The following TENM3 variants were observed in gnomAD, a reference collection of about 807,000 sequenced individuals.
TENM3 encodes the protein teneurin transmembrane protein 3, also known as teneurin-3.
A neutral mutation model predicts 255.1 loss-of-function variants in TENM3; 63 were observed. The observed-to-expected ratio is 0.25, with a 90% CI of 0.20 to 0.30. TENM3 has a LOEUF of 0.30. Among genes scored for constraint, TENM3 ranks in the 10% least tolerant of loss-of-function variants. The pLI is 1.00. For synonymous variants in TENM3, 1,306 were observed against 1,322.3 expected, an observed-to-expected ratio of 0.99 and a Z score of 0.27; for missense variants, 2,929 against 3,461.1, an observed-to-expected ratio of 0.85 and a Z score of 3.86.
chr4:182,673,521 CAA>C (rs778775634), intron 7 of TENM3, among the ~76,000 whole-genome samples: 3 of 152,148 alleles, frequency 2.0e-5, no homozygotes, highest in Non-Finnish European at 2.9e-5. Flanking sequence ...AAGTGTTTTA[CAA>C]AGATTCTATG....
intron 12 of TENM3, among the ~76,000 whole-genome samples, chr4:182,695,598 C>T (rs763770735): frequency 6.6e-6 from 1 of 152,090 alleles, no homozygotes; most frequent in Non-Finnish European, 1.5e-5. Context: ...CTTCCTACCT[C>T]CCACTGACTC....
rs749043968 is a variant in TENM3 at position 182,799,570 on chromosome 4, C to A, written c.7345-26C>A. 3 of 1,530,186 alleles carry A rather than the reference C, an allele frequency of 2.0e-6. No individual in the cohort carries two copies. Among genetic ancestry groups the A allele is most frequent in the Non-Finnish European group, 2.6e-6 (3 of 1,144,934 alleles). 94.8% of individuals were successfully genotyped at this position (1,530,186 alleles called of 1,614,324 possible). On this transcript the variant is annotated intron_variant, in intron 27 of 27. Coordinates refer to ENST00000511685, the MANE Select transcript of TENM3 (RefSeq NM_001080477.4). The surrounding 1 kb of genome is among the most constrained non-coding windows in gnomAD (Gnocchi z 4.2). ...GGGAGGCTCCCGGCCGCCTCTGACG[C>A]GCCCCCTCTTTTGTTTCGCCCGCAG...
the TENM3 span, among the ~76,000 whole-genome samples, chr4:181,549,572 T>A: frequency 2.5e-3 from 383 of 152,354 alleles, 3 homozygotes; most frequent in African/African-American, 8.7e-3. Context: ...TGTGAGCATG[T>A]GTATTTTCTT....
At chr4:182,725,796 C>T (rs1043182249) in intron 13 of TENM3, among the ~76,000 whole-genome samples, 3 of 151,902 alleles carry the variant, frequency 2.0e-5, no homozygotes, top group Middle Eastern at 3.4e-3. Context: ...CCACCACGCC[C>T]CTCTAATTTT....
intron 3 of TENM3, among the ~76,000 whole-genome samples, chr4:182,594,843 C>T (rs1368695857): frequency 1.3e-5 from 2 of 151,932 alleles, no homozygotes; most frequent in African/African-American, 2.4e-5. Context: ...CCTCAGCCTC[C>T]CAAGTAGCTA....
intron 1 of TENM3, among the ~76,000 whole-genome samples, chr4:182,188,303 T>C (rs2149775798): frequency 6.6e-6 from 1 of 152,248 alleles, no homozygotes; most frequent in African/African-American, 2.4e-5. Flanking sequence ...TCAGTTTCCA[T>C]ATCTGTAGAT....
At chr4:181,555,969 C>A in the TENM3 span, among the ~76,000 whole-genome samples, 1 of 152,254 alleles carries the variant, frequency 6.6e-6, no homozygotes, top group Non-Finnish European at 1.5e-5. Flanking sequence ...GTCTGCCATG[C>A]CTTTATAAGC....
the TENM3 span, among the ~76,000 whole-genome samples, chr4:181,908,316 G>T: frequency 2.6e-5 from 4 of 152,150 alleles, no homozygotes; most frequent in Non-Finnish European, 4.4e-5. Flanking sequence ...TCCTCAGTCT[G>T]GCAGCTGAAG....
the TENM3 span, among the ~76,000 whole-genome samples, chr4:181,626,238 G>A: frequency 2.0e-5 from 3 of 152,266 alleles, no homozygotes; most frequent in African/African-American, 7.2e-5. Flanking sequence ...TGCAGGAACA[G>A]CACAGCATGA....
chr4:182,466,448 G>A (rs2151425073), intron 3 of TENM3, among the ~76,000 whole-genome samples: 1 of 152,186 alleles, frequency 6.6e-6, no homozygotes, highest in South Asian at 2.1e-4. Context: ...TCCCACCTCA[G>A]CCTCCCAGGT....
intron 1 of TENM3, among the ~76,000 whole-genome samples, chr4:182,206,592 A>G (rs75130903): frequency 0.062 from 9,390 of 152,278 alleles, 401 homozygotes; most frequent in Non-Finnish European, 0.092. Flanking sequence ...TGTCATAGAC[A>G]TGGAGTCATT....
chr4:182,147,474 C>A (rs1325278341), intron 1 of TENM3, among the ~76,000 whole-genome samples: 1 of 152,070 alleles, frequency 6.6e-6, no homozygotes, highest in Non-Finnish European at 1.5e-5. Context: ...TTATTTTACC[C>A]TGTAAAAATT....
chr4:181,991,994 A>C, the TENM3 span, among the ~76,000 whole-genome samples: 1 of 152,160 alleles, frequency 6.6e-6, no homozygotes, highest in Admixed American at 6.6e-5. Context: ...GCTAAAACTG[A>C]CTGCTAAACC....
At chr4:182,278,680 A>G (rs898058884) in intron 1 of TENM3, among the ~76,000 whole-genome samples, 7 of 151,644 alleles carry the variant, frequency 4.6e-5, no homozygotes, top group Non-Finnish European at 1.0e-4. Flanking sequence ...AAAAAAAAAA[A>G]AGGAGGTGGA....
At chr4:182,462,460 CTTGTT>C in intron 3 of TENM3, among the ~76,000 whole-genome samples, 1 of 151,392 alleles carries the variant, frequency 6.6e-6, no homozygotes, top group Non-Finnish European at 1.5e-5. Flanking sequence ...CTGTCTTCTG[CTTGTT>C]TTATTTTTCA....
the TENM3 span, among the ~76,000 whole-genome samples, chr4:181,656,535 C>T: frequency 6.6e-6 from 1 of 152,128 alleles, no homozygotes; most frequent in Admixed American, 6.5e-5. Flanking sequence ...GCCGCGGATG[C>T]AGATGGGCCC....
chr4:181,628,558 C>T, the TENM3 span, among the ~76,000 whole-genome samples: 1 of 152,162 alleles, frequency 6.6e-6, no homozygotes, highest in African/African-American at 2.4e-5. Flanking sequence ...ATATGGCTAG[C>T]CAGTTTTCCC....
At chr4:181,560,369 T>A in the TENM3 span, among the ~76,000 whole-genome samples, 1 of 152,214 alleles carries the variant, frequency 6.6e-6, no homozygotes, top group Admixed American at 6.5e-5. Context: ...TTAGGGGGTG[T>A]GGGGACACAA....
chr4:181,777,785 C>T, the TENM3 span, among the ~76,000 whole-genome samples: 1 of 152,080 alleles, frequency 6.6e-6, no homozygotes, highest in East Asian at 1.9e-4. Flanking sequence ...GTGAAACCCT[C>T]CTTCTTCCCA....
Sources: gnomAD v4.1 joint callset for allele counts (sites outside exome capture counted in the v4.1 genomes callset) on GRCh38, gnomAD v4.1.1 for gene constraint, Gnocchi (gnomAD v3.1) non-coding constraint, MANE v1.5 for transcripts, NCBI Gene and HGNC (gene_info 2026-07-23, HGNC 2026-07-21) for gene names.